NCK1: variants seen among roughly 807,000 people sequenced by gnomAD.
NCK1 encodes SH2/SH3 adapter protein NCK1.
Under a neutral mutation model 36.6 loss-of-function variants are expected in NCK1, and 19 were observed. The observed-to-expected ratio is 0.52, with a 90% CI of 0.36 to 0.76. The LOEUF (loss-of-function observed/expected upper bound fraction) is 0.76. Among genes scored for constraint, NCK1 ranks in the 30% least tolerant of loss-of-function variants. NCK1 has a pLI of 0.00. For missense variants in NCK1, 358 were observed against 445.6 expected, an observed-to-expected ratio of 0.80 and a Z score of 1.77; for synonymous variants, 165 against 156.0, an observed-to-expected ratio of 1.06 and a Z score of -0.43.
intron 2 of NCK1, among the ~76,000 whole-genome samples, chr3:136,933,620 G>T (rs373387220): frequency 6.6e-6 from 1 of 151,868 alleles, no homozygotes; most frequent in East Asian, 1.9e-4. Flanking sequence ...CCTCAGAATG[G>T]TACACTTCCT....
At chr3:136,926,715 T>C (rs887216134) in intron 1 of NCK1, among the ~76,000 whole-genome samples, 13 of 152,218 alleles carry the variant, frequency 8.5e-5, no homozygotes, top group African/African-American at 3.1e-4. Context: ...TATGATTTCT[T>C]CTTAGATTCA....
At chr3:136,884,559 G>A (rs1939026361) in intron 1 of NCK1, among the ~76,000 whole-genome samples, 1 of 152,074 alleles carries the variant, frequency 6.6e-6, no homozygotes, top group African/African-American at 2.4e-5. Flanking sequence ...TTGTGCCTCA[G>A]CCTCCAGAGT....
chr3:136,948,152 G>A (rs1940876403), intron 3 of NCK1, 107 bp from the exon 4 acceptor site: 3 of 791,020 alleles, frequency 3.8e-6, no homozygotes, highest in Non-Finnish European at 3.9e-6. Flanking sequence ...TTACCATGGT[G>A]CCTAGGACTT....
chr3:136,947,067 A>G (rs954736828), intron 3 of NCK1: 1 of 152,204 alleles, frequency 6.6e-6, no homozygotes, highest in Non-Finnish European at 1.5e-5. Context: ...ATATTTGTAC[A>G]AAAGGGAATG....
At chr3:136,941,983 C>T (rs940901663) in intron 2 of NCK1, among the ~76,000 whole-genome samples, 3 of 152,228 alleles carry the variant, frequency 2.0e-5, no homozygotes, top group East Asian at 1.9e-4. Context: ...GGACTACAAG[C>T]GTGTGCCACC....
chr3:136,925,614 T>C (rs1940217518), intron 1 of NCK1, among the ~76,000 whole-genome samples: 1 of 152,208 alleles, frequency 6.6e-6, no homozygotes, highest in Non-Finnish European at 1.5e-5. Flanking sequence ...TGGAGTCATA[T>C]AGTTAACCTT....
intron 1 of NCK1, among the ~76,000 whole-genome samples, chr3:136,875,057 T>G (rs2108071881): frequency 6.6e-6 from 1 of 152,368 alleles, no homozygotes; most frequent in African/African-American, 2.4e-5. Context: ...TTCTTGGATA[T>G]TTGTGTACCT....
intron 1 of NCK1, among the ~76,000 whole-genome samples, chr3:136,920,549 A>G (rs1172429771): frequency 1.3e-5 from 2 of 152,192 alleles, no homozygotes; most frequent in Non-Finnish European, 2.9e-5. Flanking sequence ...TCTTAGGTAT[A>G]TAAGACATTA....
chr3:136,890,471 GCTC>G lies in NCK1; in HGVS notation c.-19+28122_-19+28124del, dbSNP rs1939212123. On this transcript the variant is annotated intron_variant, in intron 1 of 3. Transcript: ENST00000481752. ...CCACAGTGCAGTGGTGGGCTGAAGG[GCTC>G]CTCAAGTGCTGCCAAAGTGGGAGCC... 2.0e-5 allele frequency among the ~76,000 whole-genome samples: 3 copies of G among 152,228 alleles called. No individual in the cohort carries two copies. In the South Asian group the frequency reaches 6.2e-4, roughly 31 times the overall value.
chr3:136,944,111 C>CTTTTTTTTTTTTTTTTT (rs1560055771), intron 2 of NCK1, among the ~76,000 whole-genome samples: 1 of 80,924 alleles, frequency 1.2e-5, no homozygotes, highest in Non-Finnish European at 2.2e-5. Flanking sequence ...GGAAAAACAA[C>CTTTTTTTTTTTTTTTTT]CTTTTTTTTT....
intron 1 of NCK1, among the ~76,000 whole-genome samples, chr3:136,915,711 G>A (rs1161877265): frequency 6.6e-6 from 1 of 151,710 alleles, no homozygotes; most frequent in African/African-American, 2.4e-5. Flanking sequence ...AGGTGAAGGT[G>A]CCAAACACTT....
intron 1 of NCK1, among the ~76,000 whole-genome samples, chr3:136,870,602 T>C (rs1019396853): frequency 2.1e-4 from 32 of 151,558 alleles, no homozygotes; most frequent in Non-Finnish European, 1.5e-5. Context: ...GAATATTTAG[T>C]GTACAACCCC....
At chr3:136,890,857 ACT>A (rs1939224498) in intron 1 of NCK1, among the ~76,000 whole-genome samples, 1 of 151,936 alleles carries the variant, frequency 6.6e-6, no homozygotes, top group African/African-American at 2.4e-5. Flanking sequence ...GCCACCTGAA[ACT>A]CTGTACCCAT....
chr3:136,893,816 A>G (rs576325091), intron 1 of NCK1, among the ~76,000 whole-genome samples: 6 of 152,230 alleles, frequency 3.9e-5, no homozygotes, highest in Non-Finnish European at 7.3e-5. Flanking sequence ...TGCTACTGCA[A>G]CTGGTATTGA....
rs1365902516 is a variant in NCK1 at position 136,951,250 on chromosome 3, T to A, written c.*2797T>A. ...GTTGTCACAGTCTCTGTAGCACGTT[T>A]GTGAGAATTCTCTAGGCAGGCCCAG... is the stretch of plus-strand genomic sequence containing the variant. On this transcript the variant is annotated 3_prime_UTR_variant, in exon 4 of 4. Transcript: ENST00000481752. Among the ~76,000 whole-genome samples, 1 of 152,212 alleles carries A rather than the reference T, an allele frequency of 6.6e-6. No homozygotes were observed. Among genetic ancestry groups the A allele is most frequent in the Non-Finnish European group, 1.5e-5 (1 of 68,026 alleles).
At chr3:136,934,408 C>T (rs1015710842) in intron 2 of NCK1, among the ~76,000 whole-genome samples, 1 of 151,854 alleles carries the variant, frequency 6.6e-6, no homozygotes, top group African/African-American at 2.4e-5. Flanking sequence ...GCCTCAGCCT[C>T]CCGAGTAGCT....
intron 1 of NCK1, among the ~76,000 whole-genome samples, chr3:136,882,655 A>G (rs1938975849): frequency 1.3e-5 from 2 of 152,004 alleles, no homozygotes; most frequent in African/African-American, 4.8e-5. Flanking sequence ...TGTCACCACC[A>G]TAATCAGCTT....
At chr3:136,923,559 C>CAAATAAATAAATAAATAAATAAAT (rs71134421) in intron 1 of NCK1, among the ~76,000 whole-genome samples, 63 of 145,596 alleles carry the variant, frequency 4.3e-4, no homozygotes, top group African/African-American at 1.1e-3. Context: ...GACTCCGTCT[C>CAAATAAATAAATAAATAAATAAAT]AAATAAATAA....
At chr3:136,925,368 C>T (rs1940210901) in intron 1 of NCK1, among the ~76,000 whole-genome samples, 1 of 152,142 alleles carries the variant, frequency 6.6e-6, no homozygotes, top group Non-Finnish European at 1.5e-5. Flanking sequence ...TATAGATCCA[C>T]ATGCAATTCT....
Sources: allele counts gnomAD v4.1 joint callset (sites outside exome capture counted in the v4.1 genomes callset), GRCh38; gene constraint gnomAD v4.1.1; transcripts MANE v1.5; gene names NCBI Gene and HGNC (gene_info 2026-07-23, HGNC 2026-07-21).